The following SBF2 variants were observed in gnomAD, a reference collection of about 807,000 sequenced individuals.
SBF2 encodes SET binding factor 2, also known as myotubularin-related protein 13.
Under a neutral mutation model 225.2 loss-of-function variants are expected in SBF2, and 112 were observed. That is an observed-to-expected ratio of 0.50 (90% CI 0.43 to 0.58). The LOEUF (loss-of-function observed/expected upper bound fraction) is 0.58, where lower values mean the gene tolerates loss of function less well. Ranked by LOEUF, SBF2 falls within the 20% of genes least tolerant of loss-of-function variation. The pLI, the probability that SBF2 is intolerant of heterozygous loss-of-function variation, is 0.00. For synonymous variants in SBF2, 763 were observed against 773.3 expected (o/e 0.99, Z 0.22); for missense variants, 1,996 against 2,206.2 (o/e 0.90, Z 1.91).
intron 35 of SBF2, 38 bp from the exon 36 acceptor site, chr11:9,787,776 T>C: frequency 1.9e-6 from 3 of 1,571,180 alleles, no homozygotes; most frequent in African/African-American, 1.3e-5. Flanking sequence ...CAGTATTTCA[T>C]AGAAATCAGG....
rs573124406 is a variant in SBF2 at position 10,279,321 on chromosome 11, G to A, written c.55+14694C>T. Among the ~76,000 whole-genome samples, 4 of 150,732 alleles carry A rather than the reference G, an allele frequency of 2.7e-5. No homozygotes were observed. The South Asian group carries it at 8.4e-4, about 32-fold the overall frequency. On this transcript the variant is annotated intron_variant, in intron 1 of 39. Transcript: ENST00000256190. ...CCAGCTACTAGGGAGACTGAGGCAG[G>A]AGAATTGCTTGAACCCGGGAGACGG...
chr11:9,949,993 A>G (rs1202991491), intron 16 of SBF2, among the ~76,000 whole-genome samples: 1 of 152,168 alleles, frequency 6.6e-6, no homozygotes, highest in African/African-American at 2.4e-5. Flanking sequence ...TTATCTGTCA[A>G]TTAAAAAAGC....
Position 9,845,551 on chromosome 11 carries a change from G to T in SBF2, c.3110+14C>A, listed in dbSNP as rs1424520651. On this transcript the variant is annotated intron_variant, in intron 24 of 39. Transcript: ENST00000256190. Reference sequence around the variant, plus strand: ...CGGGAGGGCTGAAATTAACAGACTTGTCTTTCTTCTTACCGAAAAGAAGTG... The same window carrying T: ...CGGGAGGGCTGAAATTAACAGACTTTTCTTTCTTCTTACCGAAAAGAAGTG... The T allele has an allele frequency of 6.2e-7, 1 of 1,610,830 alleles. No homozygotes were observed. The highest frequency in any genetic ancestry group is 8.5e-7 in the Non-Finnish European group (1 of 1,177,050).
chr11:10,147,041 T>C (rs1330129904), intron 2 of SBF2, among the ~76,000 whole-genome samples: 1 of 148,316 alleles, frequency 6.7e-6, no homozygotes, highest in Non-Finnish European at 1.5e-5. Flanking sequence ...GAATGGCTAT[T>C]ATTAAAAAGT....
chr11:9,954,425 A>G lies in SBF2; in HGVS notation c.1860+7532T>C, dbSNP rs562790324. Among the ~76,000 whole-genome samples the G allele has an allele frequency of 3.8e-3, 576 of 152,322 alleles. 4 individuals are homozygous for G. Among genetic ancestry groups the G allele is most frequent in the South Asian group, 5.4e-3 (26 of 4,826 alleles). On this transcript the variant is annotated intron_variant, in intron 16 of 39. Transcript: ENST00000256190. ...AAGTACGTTGTTGCATCAAGAATATAAATACTAACAAATCCCAAGTGGGTG... is the reference window on the plus strand; with the variant it reads ...AAGTACGTTGTTGCATCAAGAATATGAATACTAACAAATCCCAAGTGGGTG...
At chr11:10,297,759 C>T (rs908455716), upstream of SBF2, among the ~76,000 whole-genome samples, 1 of 152,246 alleles carries the variant, frequency 6.6e-6, no homozygotes, top group African/African-American at 2.4e-5. Flanking sequence ...TTTTGTCACA[C>T]AGAGATTTTA....
chr11:9,914,913 G>T (rs1862947960), intron 16 of SBF2, among the ~76,000 whole-genome samples: 1 of 110,596 alleles, frequency 9.0e-6, no homozygotes, highest in Admixed American at 1.2e-4. Flanking sequence ...ATAGTGGGGG[G>T]GGCTATAGAT....
intron 2 of SBF2, among the ~76,000 whole-genome samples, chr11:10,127,343 GA>G (rs1462464571): frequency 6.6e-6 from 1 of 152,018 alleles, no homozygotes; most frequent in African/African-American, 2.4e-5. Context: ...TCTCTCAAAA[GA>G]AAGTTTAAAG....
intron 16 of SBF2, among the ~76,000 whole-genome samples, chr11:9,938,234 T>C (rs2134283234): frequency 6.7e-6 from 1 of 150,340 alleles, no homozygotes; most frequent in South Asian, 2.1e-4. Context: ...GAGCTTGCAG[T>C]GAGCTGAGAT....
At chr11:9,871,308 G>T (rs1171502441) in intron 17 of SBF2, among the ~76,000 whole-genome samples, 1 of 151,148 alleles carries the variant, frequency 6.6e-6, no homozygotes, top group Admixed American at 6.6e-5. Flanking sequence ...AAGAAAAAAA[G>T]ACCCCATTAA....
chr11:9,826,727 ATATATGTG>A (rs745565637), intron 28 of SBF2, among the ~76,000 whole-genome samples: 63 of 132,846 alleles, frequency 4.7e-4, no homozygotes, highest in African/African-American at 7.3e-4. Flanking sequence ...ATATATATAT[ATATATGTG>A]TGTGTGTGTG....
intron 9 of SBF2, among the ~76,000 whole-genome samples, chr11:9,995,671 A>T: frequency 6.9e-6 from 1 of 144,742 alleles, no homozygotes; most frequent in African/African-American, 2.6e-5. Flanking sequence ...TTATTTTGAG[A>T]CAGAGTTTTG....
intron 2 of SBF2, among the ~76,000 whole-genome samples, chr11:10,083,336 C>G (rs759159607): frequency 2.6e-4 from 40 of 152,114 alleles, no homozygotes; most frequent in Non-Finnish European, 4.7e-4. Flanking sequence ...CAATGCAATC[C>G]CTATCCAAAT....
intron 1 of SBF2, among the ~76,000 whole-genome samples, chr11:10,281,700 C>G (rs1203218765): frequency 2.6e-5 from 4 of 152,132 alleles, no homozygotes; most frequent in Admixed American, 1.3e-4. Flanking sequence ...TTTCACAACT[C>G]TATATACTCT....
intron 1 of SBF2, among the ~76,000 whole-genome samples, chr11:10,218,218 T>G (rs1265668380): frequency 2.0e-5 from 3 of 151,864 alleles, no homozygotes; most frequent in East Asian, 1.9e-4. Flanking sequence ...ACATCTTACA[T>G]GACAGCAGGC....
intron 2 of SBF2, among the ~76,000 whole-genome samples, chr11:10,125,644 G>A (rs1953713321): frequency 6.6e-6 from 1 of 152,056 alleles, no homozygotes; most frequent in African/African-American, 2.4e-5. Context: ...TAGAGACAGG[G>A]TACAGTTGTT....
intron 2 of SBF2, among the ~76,000 whole-genome samples, chr11:10,193,521 AT>A (rs1235976741): frequency 6.6e-6 from 1 of 151,762 alleles, no homozygotes; most frequent in Admixed American, 6.6e-5. Flanking sequence ...CGCCCGGCTA[AT>A]TTTTGTATTT....
intron 1 of SBF2, among the ~76,000 whole-genome samples, chr11:10,278,148 T>C (rs1258673491): frequency 6.6e-6 from 1 of 152,234 alleles, no homozygotes; most frequent in African/African-American, 2.4e-5. Flanking sequence ...TTGAAATTCA[T>C]TTAAACTTAA....
chr11:9,841,983 A>C (rs905122279), intron 25 of SBF2, among the ~76,000 whole-genome samples: 2 of 152,180 alleles, frequency 1.3e-5, no homozygotes, highest in Non-Finnish European at 2.9e-5. Flanking sequence ...CTGAGGGGAA[A>C]AAAAGGGTGT....
Sources: gnomAD v4.1 joint callset for allele counts (sites outside exome capture counted in the v4.1 genomes callset) on GRCh38, gnomAD v4.1.1 for gene constraint, MANE v1.5 for transcripts, NCBI Gene and HGNC (gene_info 2026-07-23, HGNC 2026-07-21) for gene names.